Variants in KCTD1 observed in about 807,000 individuals in gnomAD.
KCTD1 encodes the protein BTB/POZ domain-containing protein KCTD1.
KCTD1 carries 24 observed loss-of-function variants against 66.0 expected under a neutral mutation model. The ratio of observed to expected loss-of-function variants is 0.36; its 90% CI spans 0.26 to 0.51. The LOEUF is 0.51. Among genes scored for constraint, KCTD1 ranks in the 20% least tolerant of loss-of-function variants. The pLI is 0.95. For synonymous variants in KCTD1, 511 were observed against 517.2 expected (o/e 0.99, Z 0.16); for missense variants, 943 against 1,205.2 (o/e 0.78, Z 3.22).
At chr18:26,606,659 A>G (rs1311297615) in intron 1 of KCTD1, among the ~76,000 whole-genome samples, 1 of 152,190 alleles carries the variant, frequency 6.6e-6, no homozygotes, top group Non-Finnish European at 1.5e-5. Context: ...GCTGCACATC[A>G]TCCCAGTCAA....
intron 1 of KCTD1, chr18:26,543,780 A>T (rs1157969580): frequency 6.6e-6 from 1 of 152,240 alleles, no homozygotes; most frequent in Non-Finnish European, 1.5e-5. Flanking sequence ...AACTAAAGAC[A>T]CCTTTGTCAC....
chr18:26,508,003 A>G (rs544626845), intron 1 of KCTD1, among the ~76,000 whole-genome samples: 17 of 152,178 alleles, frequency 1.1e-4, no homozygotes, highest in Non-Finnish European at 1.9e-4. Flanking sequence ...ATAATCTTGG[A>G]AAAAAAATCC....
intron 1 of KCTD1, among the ~76,000 whole-genome samples, chr18:26,518,283 T>A (rs934112719): frequency 6.6e-6 from 1 of 152,124 alleles, no homozygotes; most frequent in Non-Finnish European, 1.5e-5. Context: ...ACAAACTAAT[T>A]TGAAAAATGC....
At position 26,597,701 on chromosome 18, in the gene KCTD1, T is replaced by C. The variant is rs143537531; in HGVS notation, c.-16+31446A>G. ...TGGAGTCTTGCTCTGTCACCTAGGCTGGAGTGCAATGGCACGCTCTCAGCT... is the reference window on the plus strand; with the variant it reads ...TGGAGTCTTGCTCTGTCACCTAGGCCGGAGTGCAATGGCACGCTCTCAGCT... On this transcript the variant is annotated intron_variant, in intron 1 of 4. Transcript: ENST00000317932. 4.4e-3 allele frequency among the ~76,000 whole-genome samples: 658 copies of C among 148,228 alleles called. 5 individuals carry two copies. The highest frequency in any genetic ancestry group is 0.016 in the African/African-American group (627 of 40,174).
Position 26,547,505 on chromosome 18 carries a change from C to G in KCTD1, c.1032G>C (p.Lys344Asn). The G allele has an allele frequency of 6.4e-7, 1 of 1,551,570 alleles. No individual in the cohort carries two copies. Among genetic ancestry groups the G allele is most frequent in the Non-Finnish European group, 8.7e-7 (1 of 1,146,996 alleles). ...GCCCGAGGGACTTGAAGTAGACGAA[C>G]TTGCGACCGTCCTCGTCCATGGCCA... ...FGLAMDEDGRKFVYFKSLGPY... is the reference protein window; with the variant it reads ...FGLAMDEDGRNFVYFKSLGPY... Residue 344 changes from lysine (K) to asparagine (N), a missense_variant, in exon 1 of 5, where the codon AAG becomes AAC. Lys to Asn is a moderately conservative substitution (Grantham distance 94). Coordinates refer to ENST00000580059, the MANE Select transcript of KCTD1 (RefSeq NM_001142730.3).
upstream of KCTD1, chr18:26,549,575 C>G: frequency 1.4e-6 from 1 of 738,406 alleles, no homozygotes; most frequent in Non-Finnish European, 1.7e-6. Flanking sequence ...TGCCCCTGAG[C>G]AAAGTGACAC....
At chr18:26,569,788 TAGAC>T (rs1469630094) in intron 1 of KCTD1, among the ~76,000 whole-genome samples, 4 of 152,214 alleles carry the variant, frequency 2.6e-5, no homozygotes, top group African/African-American at 9.6e-5. Flanking sequence ...AATTTAGTTT[TAGAC>T]AGAAAGACAC....
chr18:26,623,346 T>C (rs1343315096), intron 1 of KCTD1, among the ~76,000 whole-genome samples: 1 of 152,204 alleles, frequency 6.6e-6, no homozygotes, highest in Non-Finnish European at 1.5e-5. Flanking sequence ...ATGCTTTGAC[T>C]GTGTCCCCAC....
At chr18:26,497,838 C>A (rs556261065) in intron 2 of KCTD1, among the ~76,000 whole-genome samples, 2 of 152,050 alleles carry the variant, frequency 1.3e-5, no homozygotes, top group Non-Finnish European at 2.9e-5. Context: ...AACTTGTGAC[C>A]GGCTGGGGTA....
At chr18:26,575,138 C>G (rs1567998273) in intron 1 of KCTD1, 1 of 152,114 alleles carries the variant, frequency 6.6e-6, no homozygotes, top group East Asian at 1.9e-4. Context: ...CAGAAAGAAA[C>G]AGGTTTGAAC....
chr18:26,549,294 T>G (rs1429401030), upstream of KCTD1: 1 of 984,790 alleles, frequency 1.0e-6, no homozygotes. Context: ...GGCTCCCAAC[T>G]CCCTTTCCGA....
intron 1 of KCTD1, among the ~76,000 whole-genome samples, chr18:26,639,475 T>C (rs1251338009): frequency 6.6e-6 from 1 of 152,018 alleles, no homozygotes; most frequent in African/African-American, 2.4e-5. Flanking sequence ...ATCAGTTTAA[T>C]GGTTGTAAAA....
chr18:26,620,649 T>G (rs1987360340), intron 1 of KCTD1, among the ~76,000 whole-genome samples: 1 of 151,956 alleles, frequency 6.6e-6, no homozygotes, highest in African/African-American at 2.4e-5. Context: ...TTGCCCAGGC[T>G]GGTCTCAAAC....
upstream of KCTD1, among the ~76,000 whole-genome samples, chr18:26,644,488 G>A (rs1042119209): frequency 1.9e-4 from 29 of 151,984 alleles, 1 homozygote; most frequent in South Asian, 4.0e-3. Flanking sequence ...GGGCAGGTGC[G>A]GTGGCTCACA....
chr18:26,649,933 C>T (rs1407850469), intron 1 of KCTD1, among the ~76,000 whole-genome samples: 1 of 152,136 alleles, frequency 6.6e-6, no homozygotes, highest in African/African-American at 2.4e-5. Flanking sequence ...GACCGGGTCC[C>T]GTGTTTCTTC....
At chr18:26,614,917 A>G (rs1321349843) in intron 1 of KCTD1, among the ~76,000 whole-genome samples, 1 of 152,220 alleles carries the variant, frequency 6.6e-6, no homozygotes, top group Non-Finnish European at 1.5e-5. Context: ...TTTCACTAAC[A>G]ATTTGCTCAT....
At chr18:26,543,714 A>C (rs989190977) in intron 1 of KCTD1, 2 of 152,228 alleles carry the variant, frequency 1.3e-5, no homozygotes, top group African/African-American at 4.8e-5. Flanking sequence ...TGTCCTCTCT[A>C]CAGAATTCCT....
chr18:26,598,176 C>A (rs35115282), intron 1 of KCTD1, among the ~76,000 whole-genome samples: 1 of 152,188 alleles, frequency 6.6e-6, no homozygotes, highest in South Asian at 2.1e-4. Context: ...TGTACCTATT[C>A]TGGACATTTC....
chr18:26,552,956 A>G (rs1032042489), upstream of KCTD1, among the ~76,000 whole-genome samples: 12 of 150,678 alleles, frequency 8.0e-5, no homozygotes, highest in Middle Eastern at 3.4e-3. Context: ...CTATTTTGGT[A>G]TATCTTGGTT....
Sources: gnomAD v4.1 joint callset for allele counts (sites outside exome capture counted in the v4.1 genomes callset) on GRCh38, gnomAD v4.1.1 for gene constraint, MANE v1.5 for transcripts, NCBI Gene and HGNC (gene_info 2026-07-23, HGNC 2026-07-21) for gene names.